The following CD101 variants were observed in gnomAD, a reference collection of about 807,000 sequenced individuals.
CD101 encodes CD101 molecule, also known as immunoglobulin superfamily member 2.
A neutral mutation model predicts 98.2 loss-of-function variants in CD101; 76 were observed. The ratio of observed to expected loss-of-function variants is 0.77; its 90% CI spans 0.64 to 0.94. The LOEUF (loss-of-function observed/expected upper bound fraction) is 0.94. Among genes scored for constraint, CD101 ranks in the 40% least tolerant of loss-of-function variants. CD101 has a pLI of 0.00. For missense variants in CD101, 1,145 were observed against 1,218.8 expected (o/e 0.94, Z 0.90); for synonymous variants, 471 against 472.7 (o/e 1.00, Z 0.05).
rs754198172 is a variant in CD101 at position 117,012,008 on chromosome 1, G to T, written c.841+42G>T. ...GAAATTCATTAATACACTAGTATTA[G>T]GTAGTGGGTATTTATGAGGTATGTT... On this transcript the variant is annotated intron_variant, in intron 3 of 9. Coordinates refer to ENST00000682167, the MANE Select transcript of CD101 (RefSeq NM_001256106.3). This position sits in a 1 kb window ranked among gnomAD's most constrained non-coding sequence, Gnocchi z 4.0. 6.8e-7 allele frequency: 1 copy of T among 1,469,404 alleles called. No individual in the cohort carries two copies. The highest frequency in any genetic ancestry group is 1.2e-5 in the South Asian group (1 of 80,560). The allele number at this position is 1,469,404 out of a possible 1,614,324, so 91.0% of individuals were successfully genotyped here. A position where few individuals can be genotyped will look rare whatever the true frequency, so the allele number is the denominator to read the frequency against.
intron 3 of CD101, 98 bp from the exon 4 acceptor site, chr1:117,013,308 T>G (rs1470576768): frequency 7.3e-7 from 1 of 1,369,460 alleles, no homozygotes; most frequent in Non-Finnish European, 9.9e-7. Context: ...TAAAATGTGA[T>G]CCCTGTGACA....
intron 8 of CD101, among the ~76,000 whole-genome samples, chr1:117,029,061 G>C (rs1443684970): frequency 6.6e-6 from 1 of 150,634 alleles, no homozygotes; most frequent in African/African-American, 2.4e-5. Flanking sequence ...GAAAGAGAGA[G>C]AGAGAGAAAG....
At chr1:117,002,257 T>C (rs10494193) in intron 1 of CD101, among the ~76,000 whole-genome samples, 8,866 of 152,292 alleles carry the variant, frequency 0.058, 791 homozygotes, top group African/African-American at 0.2. Flanking sequence ...AACTATGCCT[T>C]GCAGATATGA....
rs41276562 is a variant in CD101, at chr1:117,013,771, G to T, written c.1207G>T (p.Val403Leu). 1.2e-6 allele frequency: 2 copies of T among 1,612,172 alleles called. No individual in the cohort carries two copies. Among genetic ancestry groups the T allele is most frequent in the African/African-American group, 1.3e-5 (1 of 74,962 alleles). ...LQRKQSPDSHVHLRKPAARSV... is the reference protein window; with the variant it reads ...LQRKQSPDSHLHLRKPAARSV... ...GAGAAAGCAGTCACCAGACAGCCAC[G>T]TGCACCTGAGGAAGCCAGCAGGTAC... Residue 403 changes from valine to leucine, a missense_variant, in exon 4 of 10, where the codon GTG becomes TTG. Val to Leu is a conservative substitution (Grantham distance 32). Coordinates refer to ENST00000682167, the MANE Select transcript of CD101 (RefSeq NM_001256106.3).
At position 117,017,470 on chromosome 1, in the gene CD101, C is replaced by T. The variant is rs369004537; in HGVS notation, c.1609C>T (p.Leu537=). 3.4e-5 allele frequency: 55 copies of T among 1,606,464 alleles called. No homozygotes were observed. Among genetic ancestry groups the T allele is most frequent in the Middle Eastern group, 1.7e-4 (1 of 5,974 alleles). The part of the protein sequence containing the change: ...TQKISVTVKS[L]ESSLQVSLMS... ...GAAGATTTCAGTTACTGTAAAGTCT[C>T]TGGGTAAGTGTCAAAGGAAGTCCTT... Residue 537 remains leucine, a synonymous_variant, in exon 5 of 10, where the codon CTG becomes TTG. Transcript: ENST00000682167.
rs1244986565 is a variant in CD101 at position 117,005,987 on chromosome 1, A to C, written c.44-3863A>C. ...AAATATCTATATTTAAATATTTCAA[A>C]ATGTTTGCTGGATATCCTTCCTGTC... is the stretch of plus-strand genomic sequence containing the variant. On this transcript the variant is annotated intron_variant, in intron 1 of 9. Transcript: ENST00000682167. The surrounding 1 kb of genome is among the most constrained non-coding windows in gnomAD (Gnocchi z 4.4). Among the ~76,000 whole-genome samples the C allele has an allele frequency of 6.6e-6, 1 of 152,070 alleles. No homozygotes were observed. Among genetic ancestry groups the C allele is most frequent in the East Asian group, 1.9e-4 (1 of 5,196 alleles).
At position 117,022,578 on chromosome 1, in the gene CD101, T is replaced by A. The variant is rs1175534477; in HGVS notation, c.2428+595T>A. Among the ~76,000 whole-genome samples, 1 of 152,098 alleles carries A rather than the reference T, an allele frequency of 6.6e-6. No homozygotes were observed. The highest frequency in any genetic ancestry group is 1.5e-5 in the Non-Finnish European group (1 of 68,022). On this transcript the variant is annotated intron_variant, in intron 7 of 9. Coordinates refer to ENST00000682167, the MANE Select transcript of CD101 (RefSeq NM_001256106.3). The surrounding 1 kb of genome is among the most constrained non-coding windows in gnomAD (Gnocchi z 4.8). ...CTAAATGTGGGCAGGGTTGATTAGG[T>A]CTCTCAGCATAGGTTAGGTCACTTC...
At chr1:117,007,540 G>A (rs890304892) in intron 1 of CD101, among the ~76,000 whole-genome samples, 2 of 152,060 alleles carry the variant, frequency 1.3e-5, no homozygotes, top group African/African-American at 2.4e-5. Context: ...TAGAGACAGG[G>A]TTTCACCATG....
intron 1 of CD101, among the ~76,000 whole-genome samples, chr1:117,002,363 C>G (rs1652278563): frequency 6.6e-6 from 1 of 152,210 alleles, no homozygotes; most frequent in Non-Finnish European, 1.5e-5. Flanking sequence ...TGGAAATTGA[C>G]TACTGAGAGA....
At chr1:117,020,365 G>A (rs1653505715) in intron 6 of CD101, among the ~76,000 whole-genome samples, 1 of 152,130 alleles carries the variant, frequency 6.6e-6, no homozygotes, top group Non-Finnish European at 1.5e-5. Context: ...CCAACATAGT[G>A]AAACCCCGTC....
rs118027771 is a variant in CD101 at position 117,002,521 on chromosome 1, T to G, written c.43+661T>G. On this transcript the variant is annotated intron_variant, in intron 1 of 9. Coordinates refer to ENST00000682167, the MANE Select transcript of CD101 (RefSeq NM_001256106.3). ...GGGAGAGTCAGATGAGTTGAGCAGG[T>G]AATGGAATAGTTTCAAACCAGATAG... Among the ~76,000 whole-genome samples the G allele has an allele frequency of 9.8e-5, 15 of 152,286 alleles. No homozygotes were observed. The East Asian group carries it at 2.3e-3, about 24-fold the overall frequency.
At position 117,011,864 on chromosome 1, in the gene CD101, C is replaced by A. The variant is rs1398611926; in HGVS notation, c.739C>A (p.Leu247Met). Residue 247 changes from leucine (L) to methionine (M), a missense_variant, in exon 3 of 10, where the codon CTG (leucine) becomes ATG (methionine). Physicochemically the swap from Leu to Met is conservative, Grantham distance 15. Transcript: ENST00000682167. Reference protein sequence around the residue: ...ERLQSSDQGQLFCEATEWIQD... With the variant: ...ERLQSSDQGQMFCEATEWIQD... ...GCTCCAGTCCTCAGATCAGGGTCAGCTGTTCTGTGAGGCAACGGAATGGAT... is the reference window on the plus strand; with the variant it reads ...GCTCCAGTCCTCAGATCAGGGTCAGATGTTCTGTGAGGCAACGGAATGGAT... The A allele has an allele frequency of 6.2e-7, 1 of 1,614,128 alleles. No individual in the cohort carries two copies. The highest frequency in any genetic ancestry group is 1.3e-5 in the African/African-American group (1 of 75,032).
chr1:117,024,023 A>C (rs532319640), intron 7 of CD101, among the ~76,000 whole-genome samples: 114 of 152,386 alleles, frequency 7.5e-4, no homozygotes, highest in African/African-American at 2.7e-3. Flanking sequence ...TGGAAGCCAG[A>C]TCACAATAAA....
intron 8 of CD101, chr1:117,032,892 G>A (rs1258281743): frequency 1.3e-5 from 2 of 152,284 alleles, no homozygotes; most frequent in African/African-American, 2.4e-5. Flanking sequence ...AGTGCTTCCC[G>A]GCGGACTGCA....
rs1249460890 is a variant in CD101, at chr1:117,022,317, C to G, written c.2428+334C>G. On this transcript the variant is annotated intron_variant, in intron 7 of 9. Transcript: ENST00000682167. This position sits in a 1 kb window ranked among gnomAD's most constrained non-coding sequence, Gnocchi z 4.8. Reference sequence around the variant, plus strand: ...CAAGCTGTGTCATTCCAGTGGGGCTCTACTGTAATTTGGCAGAGAAAGAGT... The same window carrying G: ...CAAGCTGTGTCATTCCAGTGGGGCTGTACTGTAATTTGGCAGAGAAAGAGT... Among the ~76,000 whole-genome samples, 1 of 152,170 alleles carries G rather than the reference C, an allele frequency of 6.6e-6. No individual in the cohort carries two copies. The highest frequency in any genetic ancestry group is 1.5e-5 in the Non-Finnish European group (1 of 68,036).
chr1:117,011,789 G>C lies in CD101; in HGVS notation c.664G>C (p.Val222Leu), dbSNP rs117050713. The change falls in exon 3 of 10, where the codon GTA (valine) becomes CTA (leucine). Residue 222 changes from valine to leucine, a missense_variant. Val to Leu is a conservative substitution (Grantham distance 32). Transcript: ENST00000682167. ...LYTERFAASD[V>L]QLNKLGPTTF... is the part of the protein sequence containing the mutation. ...TACAGAGCGGTTTGCAGCCAGTGACGTACAGCTCAACAAACTGGGACCCAC... is the reference window on the plus strand; with the variant it reads ...TACAGAGCGGTTTGCAGCCAGTGACCTACAGCTCAACAAACTGGGACCCAC... The C allele has an allele frequency of 3.3e-4, 530 of 1,614,100 alleles. 4 individuals carry two copies. In the South Asian group the frequency reaches 5.2e-3, roughly 16 times the overall value.
chr1:117,001,899 A>AGT (rs768137973), intron 1 of CD101, 39 bp downstream of exon 1: 2 of 1,602,724 alleles, frequency 1.2e-6, no homozygotes, highest in East Asian at 4.5e-5. Context: ...TTGTCACAGG[A>AGT]GTTCATCAAC....
In CD101 at chr1:117,034,055, T is replaced by C. The variant is rs200874222; in HGVS notation, c.3020T>C (p.Val1007Ala). 1.9e-5 allele frequency: 30 copies of C among 1,614,162 alleles called. No individual in the cohort carries two copies. The African/African-American group carries it at 3.9e-4, about 21-fold the overall frequency. ...GTGGACTTGAAAGAGGCTGGAGGTG[T>C]GACCACAAATAGGAGGGAAGACGAG... The part of the protein sequence containing the change: ...LWVDLKEAGG[V>A]TTNRREDEEE... The change falls in exon 9 of 10, where the codon GTG (valine) becomes GCG (alanine). Residue 1007 changes from valine (V) to alanine (A), a missense_variant. By Grantham distance (64) the Val-to-Ala change is moderately conservative (BLOSUM62 0). Transcript: ENST00000682167.
At chr1:117,001,943 G>T in intron 1 of CD101, 83 bp downstream of exon 1, 5 of 1,308,856 alleles carry the variant, frequency 3.8e-6, no homozygotes, top group Non-Finnish European at 5.5e-6. Context: ...GGACAATTTG[G>T]TCTCTACAGG....
Sources: gnomAD v4.1 joint callset for allele counts (sites outside exome capture counted in the v4.1 genomes callset) on GRCh38, gnomAD v4.1.1 for gene constraint, Gnocchi (gnomAD v3.1) non-coding constraint, MANE v1.5 for transcripts, NCBI Gene and HGNC (gene_info 2026-07-23, HGNC 2026-07-21) for gene names.